The following LRRTM4 variants were observed in gnomAD, a reference collection of about 807,000 sequenced individuals.
LRRTM4 encodes the protein leucine rich repeat transmembrane neuronal 4.
A neutral mutation model predicts 47.6 loss-of-function variants in LRRTM4; 25 were observed. That is an observed-to-expected ratio of 0.53 (90% CI 0.38 to 0.73). The LOEUF (loss-of-function observed/expected upper bound fraction) is 0.73. LRRTM4 is among the 30% of genes least tolerant of loss of function. LRRTM4 has a pLI of 0.00. For synonymous variants in LRRTM4, 311 were observed against 269.5 expected, an observed-to-expected ratio of 1.15 and a Z score of -1.51; for missense variants, 638 against 713.4, an observed-to-expected ratio of 0.89 and a Z score of 1.20.
chr2:77,107,782 C>T (rs1440016258), intron 3 of LRRTM4, among the ~76,000 whole-genome samples: 1 of 139,798 alleles, frequency 7.2e-6, no homozygotes, highest in East Asian at 2.1e-4. Flanking sequence ...CACACAGTTG[C>T]ACTCCAGTCT....
intron 3 of LRRTM4, among the ~76,000 whole-genome samples, chr2:77,073,606 A>G (rs1480353235): frequency 2.0e-5 from 3 of 152,084 alleles, no homozygotes; most frequent in East Asian, 3.9e-4. Flanking sequence ...ACACCAAAAG[A>G]TATTATTGAT....
At chr2:77,290,435 T>C (rs893197994) in intron 3 of LRRTM4, among the ~76,000 whole-genome samples, 3 of 151,808 alleles carry the variant, frequency 2.0e-5, no homozygotes, top group Non-Finnish European at 4.4e-5. Flanking sequence ...AGGAGATAGT[T>C]AACGGATACA....
chr2:77,507,019 T>G (rs1441206216), intron 3 of LRRTM4, among the ~76,000 whole-genome samples: 2 of 152,020 alleles, frequency 1.3e-5, no homozygotes, highest in African/African-American at 4.8e-5. Context: ...GTTCCAGAAT[T>G]TTTAAAGTAT....
intron 3 of LRRTM4, among the ~76,000 whole-genome samples, chr2:77,469,216 T>C (rs1390747641): frequency 6.6e-6 from 1 of 152,348 alleles, no homozygotes; most frequent in East Asian, 1.9e-4. Flanking sequence ...CTCTAATAAC[T>C]GCAGAGTATG....
chr2:76,905,126 T>A (rs6735718), intron 3 of LRRTM4, among the ~76,000 whole-genome samples: 1 of 151,862 alleles, frequency 6.6e-6, no homozygotes, highest in South Asian at 2.1e-4. Context: ...ACACCTCACA[T>A]GGCCGGGTAC....
At chr2:76,951,845 T>C (rs950763468) in intron 3 of LRRTM4, among the ~76,000 whole-genome samples, 1 of 151,834 alleles carries the variant, frequency 6.6e-6, no homozygotes, top group Admixed American at 6.6e-5. Flanking sequence ...TGTGTTGTCA[T>C]TGTTCAACTC....
chr2:76,866,591 T>C (rs75345601), intron 3 of LRRTM4, among the ~76,000 whole-genome samples: 2 of 152,276 alleles, frequency 1.3e-5, no homozygotes, highest in Admixed American at 6.5e-5. Context: ...CAATCTTTGA[T>C]TGATGTGTGA....
chr2:77,258,044 C>T (rs914444924), intron 3 of LRRTM4, among the ~76,000 whole-genome samples: 1 of 150,512 alleles, frequency 6.6e-6, no homozygotes, highest in African/African-American at 2.4e-5. Flanking sequence ...TGTGGTGAGC[C>T]GAGTTAGTGC....
At chr2:77,007,198 A>G (rs984330607) in intron 3 of LRRTM4, among the ~76,000 whole-genome samples, 2 of 152,108 alleles carry the variant, frequency 1.3e-5, no homozygotes, top group African/African-American at 2.4e-5. Flanking sequence ...ATATATATGC[A>G]CACACAAGAT....
At chr2:77,038,621 T>G (rs1055466094) in intron 3 of LRRTM4, among the ~76,000 whole-genome samples, 1 of 151,512 alleles carries the variant, frequency 6.6e-6, no homozygotes, top group Non-Finnish European at 1.5e-5. Context: ...AAACTATGTA[T>G]GGATAGAACT....
intron 3 of LRRTM4, among the ~76,000 whole-genome samples, chr2:77,291,304 A>C (rs1175141415): frequency 6.6e-6 from 1 of 152,136 alleles, no homozygotes; most frequent in African/African-American, 2.4e-5. Context: ...AAAATGGAAG[A>C]AAGTTTTGTC....
chr2:76,900,218 A>G (rs775833347), intron 3 of LRRTM4, among the ~76,000 whole-genome samples: 3 of 152,162 alleles, frequency 2.0e-5, no homozygotes, highest in Non-Finnish European at 4.4e-5. Context: ...TAGGTGACAG[A>G]GCAAGACTCT....
intron 3 of LRRTM4, among the ~76,000 whole-genome samples, chr2:76,853,013 C>G (rs1672042964): frequency 6.6e-6 from 1 of 152,118 alleles, no homozygotes; most frequent in Admixed American, 6.6e-5. Context: ...ATTCTGTGTA[C>G]TAGAGCAGGT....
chr2:76,990,614 T>C (rs1323294479), intron 3 of LRRTM4, among the ~76,000 whole-genome samples: 3 of 151,830 alleles, frequency 2.0e-5, no homozygotes, highest in African/African-American at 7.2e-5. Flanking sequence ...CCTTAGTACA[T>C]ATGCACTCAA....
At chr2:76,753,652 A>T (rs527659419) in intron 3 of LRRTM4, among the ~76,000 whole-genome samples, 16 of 152,174 alleles carry the variant, frequency 1.1e-4, no homozygotes, top group African/African-American at 3.9e-4. Context: ...GTATTTTTCA[A>T]TGTTGGGAGG....
intron 3 of LRRTM4, among the ~76,000 whole-genome samples, chr2:76,783,354 A>ATATT (rs928846781): frequency 1.5e-4 from 23 of 152,182 alleles, no homozygotes; most frequent in African/African-American, 5.3e-4. Flanking sequence ...TTTATTTAGT[A>ATATT]TATTTTTAAA....
chr2:77,212,457 T>TTATATATATATA (rs367948629), intron 3 of LRRTM4, among the ~76,000 whole-genome samples: 1 of 145,512 alleles, frequency 6.9e-6, no homozygotes, highest in African/African-American at 2.6e-5. Flanking sequence ...AGTGGAATAA[T>TTATATATATATA]TATATATATA....
chr2:77,336,221 A>C (rs749195490), intron 3 of LRRTM4, among the ~76,000 whole-genome samples: 3 of 148,884 alleles, frequency 2.0e-5, no homozygotes, highest in Non-Finnish European at 4.5e-5. Context: ...GGAAGGGAGA[A>C]AGGAAAGAAA....
Position 77,303,299 on chromosome 2 carries a change from C to T in LRRTM4, c.1551+215019G>A, listed in dbSNP as rs575866150. On this transcript the variant is annotated intron_variant, in intron 3 of 3. Coordinates refer to ENST00000409884, the MANE Select transcript of LRRTM4 (RefSeq NM_001134745.3). ...CAAACAAAAAAAAATGGTGTCCTTT[C>T]TTGTTTTCCAGAATAAAATTGATTG... Among the ~76,000 whole-genome samples the T allele has an allele frequency of 3.9e-5, 6 of 152,162 alleles. No individual in the cohort carries two copies. In the East Asian group the frequency reaches 1.2e-3, roughly 29 times the overall value.
Sources: allele counts gnomAD v4.1 joint callset (sites outside exome capture counted in the v4.1 genomes callset), GRCh38; gene constraint gnomAD v4.1.1; transcripts MANE v1.5; gene names NCBI Gene and HGNC (gene_info 2026-07-23, HGNC 2026-07-21).